The following TAOK1 variants were observed in gnomAD, a reference collection of about 807,000 sequenced individuals.
TAOK1 encodes TAO kinase 1.
In TAOK1, 21 loss-of-function variants were observed where a neutral mutation model predicts 138.3. That is an observed-to-expected ratio of 0.15 (90% CI 0.11 to 0.22). The LOEUF (loss-of-function observed/expected upper bound fraction) is 0.22, where lower values mean the gene tolerates loss of function less well. TAOK1 is among the 10% of genes least tolerant of loss of function. TAOK1 has a pLI of 1.00. For missense variants in TAOK1, 651 were observed against 1,227.7 expected (o/e 0.53, Z 7.02); for synonymous variants, 361 against 398.4 (o/e 0.91, Z 1.12).
At chr17:29,454,421 G>GATTGGCTTT (rs1336695725) in intron 2 of TAOK1, among the ~76,000 whole-genome samples, 4 of 151,774 alleles carry the variant, frequency 2.6e-5, no homozygotes, top group Non-Finnish European at 1.5e-5. Flanking sequence ...TGAATTTGAG[G>GATTGGCTTT]ATTGGCTTTT....
At chr17:29,397,671 G>GTATACATGTATACATGTATATTCATGTAT in intron 1 of TAOK1, among the ~76,000 whole-genome samples, 1 of 27,272 alleles carries the variant, frequency 3.7e-5, no homozygotes, top group East Asian at 0.013. Context: ...TATGATACAT[G>GTATACATGTATACATGTATATTCATGTAT]TATACATGTA....
At chr17:29,442,530 T>C (rs2029972500) in intron 1 of TAOK1, among the ~76,000 whole-genome samples, 1 of 152,154 alleles carries the variant, frequency 6.6e-6, no homozygotes, top group Non-Finnish European at 1.5e-5. Context: ...TTTTGTAGAA[T>C]GCTTTATGTA....
intron 1 of TAOK1, among the ~76,000 whole-genome samples, chr17:29,397,715 ACATG>A (rs1904694404): frequency 1.8e-5 from 2 of 110,238 alleles, no homozygotes; most frequent in East Asian, 4.2e-4. Context: ...ACATGAATAT[ACATG>A]TATGTATATA....
intron 8 of TAOK1, among the ~76,000 whole-genome samples, chr17:29,484,902 A>G (rs1271920802): frequency 6.6e-6 from 1 of 152,144 alleles, no homozygotes; most frequent in African/African-American, 2.4e-5. Context: ...ATGATTCTCA[A>G]TGCAAATCCG....
At chr17:29,426,962 T>C (rs1466544553) in intron 1 of TAOK1, among the ~76,000 whole-genome samples, 1 of 152,176 alleles carries the variant, frequency 6.6e-6, no homozygotes, top group African/African-American at 2.4e-5. Flanking sequence ...TAAATTTAAG[T>C]TAAACTTAAT....
intron 2 of TAOK1, among the ~76,000 whole-genome samples, chr17:29,453,875 A>G (rs1374500346): frequency 1.3e-5 from 2 of 148,970 alleles, no homozygotes; most frequent in African/African-American, 5.0e-5. Context: ...CAGAGTCATC[A>G]TGGCTCACTA....
chr17:29,495,853 T>C, intron 11 of TAOK1, 126 bp downstream of exon 11: 2 of 726,256 alleles, frequency 2.8e-6, no homozygotes, highest in Admixed American at 3.5e-5. Flanking sequence ...TCAACACTGG[T>C]CCTATAAAAT....
chr17:29,461,396 A>G (rs1473423160), intron 2 of TAOK1, among the ~76,000 whole-genome samples: 2 of 152,192 alleles, frequency 1.3e-5, no homozygotes, highest in East Asian at 1.9e-4. Context: ...TTAATTATAA[A>G]ATAATGATAA....
At chr17:29,437,044 G>GA (rs56709487) in intron 1 of TAOK1, among the ~76,000 whole-genome samples, 95,944 of 151,838 alleles carry the variant, frequency 0.63, 31,778 homozygotes, top group East Asian at 0.97. Context: ...GTTTAAAGAA[G>GA]AAAAAAACCT....
intron 8 of TAOK1, among the ~76,000 whole-genome samples, chr17:29,487,685 A>T (rs552050651): frequency 6.6e-6 from 1 of 152,366 alleles, no homozygotes; most frequent in East Asian, 1.9e-4. Flanking sequence ...TCTACTGTTC[A>T]AATATGGGAT....
chr17:29,413,758 T>G (rs148828474), intron 1 of TAOK1, among the ~76,000 whole-genome samples: 27 of 152,254 alleles, frequency 1.8e-4, no homozygotes, highest in African/African-American at 6.5e-4. Flanking sequence ...TGCTCGCTAT[T>G]TTCCTCTCTT....
chr17:29,480,523 G>A, intron 7 of TAOK1, 42 bp downstream of exon 7: 2 of 1,501,714 alleles, frequency 1.3e-6, no homozygotes, highest in Non-Finnish European at 1.8e-6. Context: ...TTAAGTGTCT[G>A]TCTATGTTTA....
chr17:29,464,231 C>T (rs983414136), intron 2 of TAOK1, among the ~76,000 whole-genome samples: 7 of 151,026 alleles, frequency 4.6e-5, no homozygotes, highest in African/African-American at 1.7e-4. Flanking sequence ...GTCAGGAGAT[C>T]GAGACCATCC....
In TAOK1 at chr17:29,397,679, G is replaced by A. The variant is rs1203275180; in HGVS notation, c.-95+6655G>A. 2.8e-5 allele frequency among the ~76,000 whole-genome samples: 4 copies of A among 143,074 alleles called. No homozygotes were observed. The Admixed American group carries it at 3.0e-4, about 11-fold the overall frequency. The allele number at this position is 143,074 out of a possible 152,430, so 93.9% of individuals were successfully genotyped here. The stretch of plus-strand genomic sequence containing the variant: ...ATTCATGTATGATACATGTATACAT[G>A]TATACATGTATATTCATGTATGCAT... On this transcript the variant is annotated intron_variant, in intron 1 of 19. Coordinates refer to ENST00000261716, the MANE Select transcript of TAOK1 (RefSeq NM_020791.4).
chr17:29,539,466 C>T (rs994247477), intron 19 of TAOK1, among the ~76,000 whole-genome samples: 12 of 152,188 alleles, frequency 7.9e-5, no homozygotes, highest in Non-Finnish European at 1.6e-4. Flanking sequence ...GATGGAGTTT[C>T]ACTCTTGTTG....
intron 1 of TAOK1, among the ~76,000 whole-genome samples, chr17:29,401,749 G>GTA (rs1444063208): frequency 1.3e-5 from 2 of 151,958 alleles, no homozygotes; most frequent in African/African-American, 2.4e-5. Flanking sequence ...CTGCCTCTTG[G>GTA]GCTCAAGCAA....
chr17:29,400,151 T>A (rs1385935847), intron 1 of TAOK1, among the ~76,000 whole-genome samples: 1 of 152,088 alleles, frequency 6.6e-6, no homozygotes, highest in Non-Finnish European at 1.5e-5. Flanking sequence ...CTCAGCACTT[T>A]GGGAGGCCGA....
intron 1 of TAOK1, among the ~76,000 whole-genome samples, chr17:29,442,497 G>A (rs1365472551): frequency 6.6e-6 from 1 of 150,466 alleles, no homozygotes; most frequent in East Asian, 1.9e-4. Flanking sequence ...GCCTATTTAT[G>A]GAACCTATTT....
In TAOK1 at chr17:29,488,200, C is replaced by T. The variant is rs562235741; in HGVS notation, c.656-1464C>T. On this transcript the variant is annotated intron_variant, in intron 8 of 19. Transcript: ENST00000261716. ...TGCATATAACCTATGCATATCCTAC[C>T]ATATACTTTGAATAATCTCTGGATT... Among the ~76,000 whole-genome samples the T allele has an allele frequency of 3.3e-5, 5 of 152,204 alleles. No homozygotes were observed. The South Asian group carries it at 8.3e-4, about 25-fold the overall frequency.
Sources: gnomAD v4.1 joint callset for allele counts (sites outside exome capture counted in the v4.1 genomes callset) on GRCh38, gnomAD v4.1.1 for gene constraint, MANE v1.5 for transcripts, NCBI Gene and HGNC (gene_info 2026-07-23, HGNC 2026-07-21) for gene names.